Variants in CEP170 observed in about 807,000 individuals in gnomAD.
The protein encoded by CEP170 is centrosomal protein of 170 kDa.
Under a neutral mutation model 151.9 loss-of-function variants are expected in CEP170, and 21 were observed. That is an observed-to-expected ratio of 0.14 (90% CI 0.10 to 0.20). The LOEUF is 0.20. CEP170 is among the 10% of genes least tolerant of loss of function. The pLI is 1.00. For synonymous variants in CEP170, 356 were observed against 648.8 expected, an observed-to-expected ratio of 0.55 and a Z score of 6.86; for missense variants, 964 against 1,892.9, an observed-to-expected ratio of 0.51 and a Z score of 9.11.
At chr1:243,234,181 G>A (rs577105666) in intron 1 of CEP170, among the ~76,000 whole-genome samples, 25 of 152,002 alleles carry the variant, frequency 1.6e-4, no homozygotes, top group African/African-American at 5.8e-4. Context: ...TAGGACTATC[G>A]GTCTACACAG....
At chr1:243,170,544 A>C (rs1656965541) in intron 11 of CEP170, among the ~76,000 whole-genome samples, 1 of 152,208 alleles carries the variant, frequency 6.6e-6, no homozygotes, top group Non-Finnish European at 1.5e-5. Context: ...CTGTAATCCC[A>C]GCATTTTGGG....
chr1:243,243,808 G>A (rs1372585520), intron 1 of CEP170, among the ~76,000 whole-genome samples: 1 of 151,964 alleles, frequency 6.6e-6, no homozygotes, highest in Non-Finnish European at 1.5e-5. Flanking sequence ...TCACAGGCAG[G>A]AGCCACCACG....
At chr1:243,220,406 T>C (rs901143657) in intron 3 of CEP170, among the ~76,000 whole-genome samples, 2 of 151,058 alleles carry the variant, frequency 1.3e-5, no homozygotes, top group African/African-American at 4.9e-5. Flanking sequence ...CTACATGCTT[T>C]GAGAAAAAAA....
intron 16 of CEP170, among the ~76,000 whole-genome samples, chr1:243,138,062 G>C (rs2148273840): frequency 6.6e-6 from 1 of 152,108 alleles, no homozygotes; most frequent in Non-Finnish European, 1.5e-5. Flanking sequence ...AGGAAACATT[G>C]CAACACAGAA....
chr1:243,213,332 G>A (rs967072079), intron 3 of CEP170, among the ~76,000 whole-genome samples: 1 of 152,114 alleles, frequency 6.6e-6, no homozygotes, highest in Non-Finnish European at 1.5e-5. Flanking sequence ...AAGACATCTG[G>A]AGATAAAATC....
intron 1 of CEP170, among the ~76,000 whole-genome samples, chr1:243,244,813 T>C (rs1412899125): frequency 6.6e-6 from 1 of 151,968 alleles, no homozygotes; most frequent in African/African-American, 2.4e-5. Flanking sequence ...CAGCAGGCTA[T>C]ATATGACTAA....
intron 4 of CEP170, among the ~76,000 whole-genome samples, chr1:243,209,342 T>C (rs192760518): frequency 7.2e-5 from 11 of 152,178 alleles, no homozygotes; most frequent in Admixed American, 3.9e-4. Context: ...CCTGCCACCA[T>C]GCCAGGCTAG....
rs1353725504 is a variant in CEP170, at chr1:243,182,648, A to G, written c.1566+3131T>C. ...ATAATGAACTTCAATATCGAGTCCAATCTCATCTCTTCAAAAGTAACTGTG... is the reference window on the plus strand; with the variant it reads ...ATAATGAACTTCAATATCGAGTCCAGTCTCATCTCTTCAAAAGTAACTGTG... On this transcript the variant is annotated intron_variant, in intron 10 of 19. Coordinates refer to ENST00000366542, the MANE Select transcript of CEP170 (RefSeq NM_014812.3). 2.0e-5 allele frequency among the ~76,000 whole-genome samples: 3 copies of G among 152,174 alleles called. No individual in the cohort carries two copies. In the South Asian group the frequency reaches 6.2e-4, roughly 31 times the overall value.
At chr1:243,127,722 T>C (rs1305731517) in intron 19 of CEP170, among the ~76,000 whole-genome samples, 4 of 152,256 alleles carry the variant, frequency 2.6e-5, no homozygotes, top group Non-Finnish European at 4.4e-5. Context: ...AAGACATACA[T>C]AGGCATTAAT....
intron 14 of CEP170, among the ~76,000 whole-genome samples, chr1:243,145,796 A>G (rs1225741656): frequency 6.6e-6 from 1 of 152,206 alleles, no homozygotes; most frequent in Non-Finnish European, 1.5e-5. Context: ...GGGCTAAGAG[A>G]TCATAACTGT....
Position 243,243,091 on chromosome 1 carries a change from C to T in CEP170, c.-42+11949G>A, listed in dbSNP as rs144481121. 2.2e-3 allele frequency among the ~76,000 whole-genome samples: 328 copies of T among 152,254 alleles called. 5 individuals carry two copies. The East Asian group carries it at 0.03, about 14-fold the overall frequency. ...TTAGAATCATAGAGAAAAGGCTAGG[C>T]GTGGTGGCTCATGCCTATCTGCTTT... On this transcript the variant is annotated intron_variant, in intron 1 of 19. Transcript: ENST00000366542.
chr1:243,146,353 T>C (rs190554717), intron 14 of CEP170, among the ~76,000 whole-genome samples: 24 of 152,252 alleles, frequency 1.6e-4, no homozygotes, highest in Admixed American at 7.2e-4. Flanking sequence ...CAGAAGAGAT[T>C]AGCGACCCCT....
intron 3 of CEP170, among the ~76,000 whole-genome samples, chr1:243,212,471 C>T (rs1414503448): frequency 6.6e-6 from 1 of 152,054 alleles, no homozygotes; most frequent in Non-Finnish European, 1.5e-5. Context: ...TCCTTTGGAT[C>T]CCTTTAGGAA....
chr1:243,213,716 T>C (rs1433380933), intron 3 of CEP170, among the ~76,000 whole-genome samples: 1 of 152,182 alleles, frequency 6.6e-6, no homozygotes, highest in Non-Finnish European at 1.5e-5. Flanking sequence ...GGGGTTTTGT[T>C]TTTGGGGTTC....
intron 11 of CEP170, among the ~76,000 whole-genome samples, chr1:243,171,151 T>C (rs1026752062): frequency 2.6e-5 from 4 of 152,204 alleles, no homozygotes; most frequent in African/African-American, 7.2e-5. Context: ...ACCAAAACCA[T>C]TCCTGGGTTA....
At chr1:243,156,765 G>A (rs547264583) in intron 13 of CEP170, 2 of 221,480 alleles carry the variant, frequency 9.0e-6, no homozygotes, top group Non-Finnish European at 1.7e-5. Flanking sequence ...ATCCATCGAT[G>A]TTTAACTGGA....
rs953421002 is a variant in CEP170, at chr1:243,231,205, T to TATC, written c.-41-5887_-41-5885dup. On this transcript the variant is annotated intron_variant, in intron 1 of 19. Coordinates refer to ENST00000366542, the MANE Select transcript of CEP170 (RefSeq NM_014812.3). ...TCATCATCATCATTATTATTATTAT[T>TATC]ATCATCATTATTATTTTTTTTAAGC... 3.3e-3 allele frequency among the ~76,000 whole-genome samples: 468 copies of TATC among 142,226 alleles called. 1 individual carries two copies. Among genetic ancestry groups the TATC allele is most frequent in the African/African-American group, 0.011 (464 of 40,362 alleles). The allele number at this position is 142,226 out of a possible 152,430, so 93.3% of individuals were successfully genotyped here.
chr1:243,188,351 A>G (rs1369474711), intron 8 of CEP170, among the ~76,000 whole-genome samples: 2 of 152,202 alleles, frequency 1.3e-5, no homozygotes, highest in Non-Finnish European at 1.5e-5. Context: ...GCCCTTTCAA[A>G]TATCTTTCCT....
At chr1:243,213,514 C>CTTGT (rs1439691836) in intron 3 of CEP170, among the ~76,000 whole-genome samples, 34 of 152,044 alleles carry the variant, frequency 2.2e-4, no homozygotes, top group South Asian at 6.2e-4. Flanking sequence ...GTTGATAAAG[C>CTTGT]TGATAGCATA....
Sources: gnomAD v4.1 joint callset for allele counts (sites outside exome capture counted in the v4.1 genomes callset) on GRCh38, gnomAD v4.1.1 for gene constraint, MANE v1.5 for transcripts, NCBI Gene and HGNC (gene_info 2026-07-23, HGNC 2026-07-21) for gene names.